Variants in PRKN observed in about 807,000 individuals in gnomAD.
The protein encoded by PRKN is parkin RBR E3 ubiquitin protein ligase, also known as E3 ubiquitin-protein ligase parkin.
Under a neutral mutation model 59.5 loss-of-function variants are expected in PRKN, and 56 were observed. The observed-to-expected ratio is 0.94, with a 90% confidence interval of 0.76 to 1.18. PRKN has a LOEUF of 1.18. Among genes scored for constraint, PRKN ranks in the 50% most tolerant of loss-of-function variants. PRKN has a pLI of 0.00. For missense variants in PRKN, 657 were observed against 596.4 expected, an observed-to-expected ratio of 1.10 and a Z score of -1.06; for synonymous variants, 250 against 222.1, an observed-to-expected ratio of 1.13 and a Z score of -1.12.
rs554783230 is a variant in PRKN, at chr6:162,293,937, G to A, written c.172-31172C>T. Among the ~76,000 whole-genome samples, 103 of 152,176 alleles carry A rather than the reference G, an allele frequency of 6.8e-4. 2 individuals carry two copies. The highest frequency in any genetic ancestry group is 2.1e-3 in the African/African-American group (86 of 41,510). ...TTGTGATCCGTCCGCCTCGGCCTCC[G>A]AAAGTGCTGGGATTACAGGCATGAG... is the stretch of plus-strand genomic sequence containing the variant. On this transcript the variant is annotated intron_variant, in intron 2 of 11. Coordinates refer to ENST00000366898, the MANE Select transcript of PRKN (RefSeq NM_004562.3).
chr6:162,512,784 C>T (rs1438609899), intron 1 of PRKN, among the ~76,000 whole-genome samples: 1 of 152,016 alleles, frequency 6.6e-6, no homozygotes, highest in African/African-American at 2.4e-5. Context: ...GGTTTAAAAA[C>T]AATTATAGGA....
intron 7 of PRKN, among the ~76,000 whole-genome samples, chr6:161,598,586 A>G (rs552827650): frequency 9.8e-5 from 15 of 152,358 alleles, no homozygotes; most frequent in Admixed American, 9.8e-4. Context: ...TTTCTATATT[A>G]TATGAATTTT....
rs1204218650 is a variant in PRKN, at chr6:161,593,111, C to T, written c.872-23695G>A. Among the ~76,000 whole-genome samples the T allele has an allele frequency of 6.6e-6, 1 of 152,184 alleles. No individual in the cohort carries two copies. Among genetic ancestry groups the T allele is most frequent in the East Asian group, 1.9e-4 (1 of 5,190 alleles). ...ATCCTACATAACCAGGCCATCTTCC[C>T]ATAATCCTCTATATTTAAAAGGTGA... On this transcript the variant is annotated intron_variant, in intron 7 of 11. Transcript: ENST00000366898. The surrounding 1 kb of genome is among the most constrained non-coding windows in gnomAD (Gnocchi z 4.8).
rs34279714 is a variant in PRKN, at chr6:161,352,771, A to ATATTTT, written c.1286-2561_1286-2560insAAAATA. Among the ~76,000 whole-genome samples the ATATTTT allele has an allele frequency of 0.013, 1,519 of 116,876 alleles. 34 individuals carry two copies. The highest frequency in any genetic ancestry group is 0.042 in the African/African-American group (1,435 of 34,460). The allele number at this position is 116,876 out of a possible 152,430, so 76.7% of individuals were successfully genotyped here. A position where few individuals can be genotyped will look rare whatever the true frequency, so the allele number is the denominator to read the frequency against. ...TGTGTGTGTGTATATATATATATAT[A>ATATTTT]TTTTATTTTATTTTATTTTATTTTT... On this transcript the variant is annotated intron_variant, in intron 11 of 11. Transcript: ENST00000366898. This position sits in a 1 kb window ranked among gnomAD's most constrained non-coding sequence, Gnocchi z 5.8.
intron 2 of PRKN, among the ~76,000 whole-genome samples, chr6:162,381,337 T>C (rs1786474252): frequency 6.6e-6 from 1 of 152,156 alleles, no homozygotes; most frequent in Admixed American, 6.5e-5. Context: ...TGTAAAAAAT[T>C]TTCACAGTAT....
chr6:162,443,298 A>G lies in PRKN; in HGVS notation c.171+12T>C. On this transcript the variant is annotated intron_variant, in intron 2 of 11. Transcript: ENST00000366898. ...GGCGGCATCCCAAGAACGGCCGCCA[A>G]GGGAGACTCACCTGCACAGTCCAGT... is the stretch of plus-strand genomic sequence containing the variant. 1 of 1,612,160 alleles carries G rather than the reference A, an allele frequency of 6.2e-7. No individual in the cohort carries two copies. The highest frequency in any genetic ancestry group is 8.5e-7 in the Non-Finnish European group (1 of 1,179,960).
chr6:162,325,698 T>G (rs1418116335), intron 2 of PRKN, among the ~76,000 whole-genome samples: 2 of 152,188 alleles, frequency 1.3e-5, no homozygotes, highest in African/African-American at 4.8e-5. Context: ...GTAGATATTT[T>G]TAACGTACAT....
rs1303955522 is a variant in PRKN, at chr6:162,023,415, T to C, written c.618+30676A>G. On this transcript the variant is annotated intron_variant, in intron 5 of 11. Transcript: ENST00000366898. ...CTGAGTGGAAGTATCTCTCAGCTGA[T>C]GGGGCAGCAAGAAGGAAGACGGTTT... is the stretch of plus-strand genomic sequence containing the variant. 2.6e-5 allele frequency among the ~76,000 whole-genome samples: 4 copies of C among 152,174 alleles called. No individual in the cohort carries two copies. In the South Asian group the frequency reaches 6.2e-4, roughly 24 times the overall value.
chr6:161,815,913 G>T (rs574318886), intron 6 of PRKN, among the ~76,000 whole-genome samples: 2 of 152,212 alleles, frequency 1.3e-5, no homozygotes, highest in Non-Finnish European at 2.9e-5. Context: ...GTATGCACAC[G>T]TACACTCACT....
At chr6:161,849,845 A>G (rs1209971911) in intron 6 of PRKN, among the ~76,000 whole-genome samples, 9 of 152,210 alleles carry the variant, frequency 5.9e-5, no homozygotes, top group Admixed American at 5.2e-4. Context: ...TGTGCTTGGA[A>G]CAGTCCAGAC....
chr6:161,795,624 C>T (rs754718228), intron 6 of PRKN, among the ~76,000 whole-genome samples: 22 of 152,040 alleles, frequency 1.4e-4, no homozygotes, highest in African/African-American at 3.4e-4. Context: ...TACTATGCAC[C>T]GGTCCCTGCA....
chr6:161,451,058 A>G lies in PRKN; in HGVS notation c.1084-64181T>C, dbSNP rs1789721058. On this transcript the variant is annotated intron_variant, in intron 9 of 11. Transcript: ENST00000366898. This position sits in a 1 kb window ranked among gnomAD's most constrained non-coding sequence, Gnocchi z 5.9. Reference sequence around the variant, plus strand: ...TTTTTAAAGAGGCAGGTAAGCAGGTAATAGAGAAGCCTTGAGGACTAGAAC... The same window carrying G: ...TTTTTAAAGAGGCAGGTAAGCAGGTGATAGAGAAGCCTTGAGGACTAGAAC... Among the ~76,000 whole-genome samples, 2 of 152,156 alleles carry G rather than the reference A, an allele frequency of 1.3e-5. No individual in the cohort carries two copies. The highest frequency in any genetic ancestry group is 2.9e-5 in the Non-Finnish European group (2 of 68,022).
chr6:162,379,898 G>T (rs1043704195), intron 2 of PRKN, among the ~76,000 whole-genome samples: 1 of 152,060 alleles, frequency 6.6e-6, no homozygotes, highest in South Asian at 2.1e-4. Context: ...TGAACATGCC[G>T]GCAGAGAGGT....
intron 7 of PRKN, among the ~76,000 whole-genome samples, chr6:161,613,610 C>T (rs1211577023): frequency 6.6e-6 from 1 of 152,074 alleles, no homozygotes; most frequent in African/African-American, 2.4e-5. Context: ...GCAAACATCA[C>T]CGTTGTCTTA....
chr6:162,534,989 T>TCCCCAGTCCTCTTCCA (rs1778659347), intron 1 of PRKN, among the ~76,000 whole-genome samples: 1 of 145,152 alleles, frequency 6.9e-6, no homozygotes, highest in Non-Finnish European at 1.5e-5. Flanking sequence ...GTTCTCTTCC[T>TCCCCAGTCCTCTTCCA]TCCCCAGTCC....
intron 1 of PRKN, among the ~76,000 whole-genome samples, chr6:162,483,481 G>A (rs1387510075): frequency 6.6e-6 from 1 of 151,982 alleles, no homozygotes; most frequent in African/African-American, 2.4e-5. Context: ...GCATCAGACT[G>A]GGATACAGAT....
At chr6:161,719,026 A>C (rs1787108409) in intron 7 of PRKN, among the ~76,000 whole-genome samples, 1 of 152,134 alleles carries the variant, frequency 6.6e-6, no homozygotes, top group African/African-American at 2.4e-5. Context: ...GATTACAAAG[A>C]CTTTCTTATT....
intron 1 of PRKN, among the ~76,000 whole-genome samples, chr6:162,663,626 G>A (rs982687833): frequency 6.6e-6 from 1 of 152,144 alleles, no homozygotes; most frequent in African/African-American, 2.4e-5. Context: ...CAGAAAATAA[G>A]TGTGTACTTC....
chr6:162,473,321 G>C (rs1791849826), intron 1 of PRKN, among the ~76,000 whole-genome samples: 1 of 152,102 alleles, frequency 6.6e-6, no homozygotes, highest in Non-Finnish European at 1.5e-5. Context: ...TTAGGTAAAG[G>C]CATTAGGAAA....
Sources: gnomAD v4.1 joint callset for allele counts (sites outside exome capture counted in the v4.1 genomes callset) on GRCh38, gnomAD v4.1.1 for gene constraint, Gnocchi (gnomAD v3.1) non-coding constraint, MANE v1.5 for transcripts, NCBI Gene and HGNC (gene_info 2026-07-23, HGNC 2026-07-21) for gene names.